ZFAND1: variants seen among roughly 807,000 people sequenced by gnomAD.
ZFAND1 encodes zinc finger AN1-type containing 1.
Under a neutral mutation model 38.5 loss-of-function variants are expected in ZFAND1, and 40 were observed. That is an observed-to-expected ratio of 1.04 (90% CI 0.81 to 1.35). ZFAND1 has a LOEUF of 1.35. ZFAND1 is among the 40% of genes most tolerant of loss of function. The pLI, the probability that ZFAND1 is intolerant of heterozygous loss-of-function variation, is 0.00. For missense variants in ZFAND1, 346 were observed against 316.3 expected, an observed-to-expected ratio of 1.09 and a Z score of -0.71; for synonymous variants, 117 against 103.6, an observed-to-expected ratio of 1.13 and a Z score of -0.78.
Position 81,714,786 on chromosome 8 carries a change from C to T in ZFAND1, c.358+18G>A, listed in dbSNP as rs759703185. Reference sequence around the variant, plus strand: ...CTGGAACTAGGAAAGCAACAAAACACGCTTTCTAGATACTTACCAATAATG... The same window carrying T: ...CTGGAACTAGGAAAGCAACAAAACATGCTTTCTAGATACTTACCAATAATG... On this transcript the variant is annotated intron_variant, in intron 5 of 7. Transcript: ENST00000220669. 21 of 1,609,832 alleles carry T rather than the reference C, an allele frequency of 1.3e-5. No homozygotes were observed. The highest frequency in any genetic ancestry group is 2.7e-5 in the African/African-American group (2 of 74,794).
intron 1 of ZFAND1, among the ~76,000 whole-genome samples, chr8:81,719,261 G>A (rs1014223043): frequency 1.3e-5 from 2 of 150,364 alleles, no homozygotes; most frequent in Non-Finnish European, 2.9e-5. Context: ...CTGAGGTCAA[G>A]AGTTTGAAAA....
In ZFAND1 at chr8:81,714,800, T is replaced by C; in HGVS notation, c.358+4A>G. On this transcript the variant is annotated splice_donor_region_variant and intron_variant, in intron 5 of 7. Transcript: ENST00000220669. ...GCAACAAAACACGCTTTCTAGATAC[T>C]TACCAATAATGTCTTTAACAAGTTT... The C allele has an allele frequency of 1.2e-6, 2 of 1,613,698 alleles. No individual in the cohort carries two copies. The highest frequency in any genetic ancestry group is 1.7e-6 in the Non-Finnish European group (2 of 1,179,656).
intron 3 of ZFAND1, among the ~76,000 whole-genome samples, chr8:81,716,759 C>T (rs1808326091): frequency 6.6e-6 from 1 of 152,132 alleles, no homozygotes; most frequent in African/African-American, 2.4e-5. Flanking sequence ...ACCAGCCTGG[C>T]CAACATGGTA....
rs59593349 is a variant in ZFAND1 at position 81,717,289 on chromosome 8, C to A, written c.99-1G>T. 2.6e-6 allele frequency: 4 copies of A among 1,524,342 alleles called. No homozygotes were observed. In the African/African-American group the frequency reaches 4.3e-5, roughly 16 times the overall value. The allele number at this position is 1,524,342 out of a possible 1,614,324, so 94.4% of individuals were successfully genotyped here. A position where few individuals can be genotyped will look rare whatever the true frequency, so the allele number is the denominator to read the frequency against. On this transcript the variant is annotated splice_acceptor_variant, in intron 2 of 7. Transcript: ENST00000220669. LOFTEE classifies it high-confidence loss of function. The stretch of plus-strand genomic sequence containing the variant: ...AGACTCCCTGCTTCTGTGTTCAAGG[C>A]TTAAATAATAATAGCAAGTGTTTAT...
chr8:81,719,023 T>C (rs1585931227), intron 1 of ZFAND1, among the ~76,000 whole-genome samples: 1 of 152,054 alleles, frequency 6.6e-6, no homozygotes, highest in African/African-American at 2.4e-5. Context: ...TGTATCTATA[T>C]CTGTATCTAT....
intron 6 of ZFAND1, 74 bp downstream of exon 6, chr8:81,713,844 T>A (rs79994134): frequency 6.9e-7 from 1 of 1,448,336 alleles, no homozygotes. Context: ...TGTTAATTGA[T>A]GGGAAGGAGG....
chr8:81,715,199 T>A, intron 3 of ZFAND1, 85 bp from the exon 4 acceptor site: 1 of 1,462,034 alleles, frequency 6.8e-7, no homozygotes, highest in African/African-American at 1.4e-5. Flanking sequence ...AGTATTCATT[T>A]TATTTTTGCT....
intron 6 of ZFAND1, among the ~76,000 whole-genome samples, chr8:81,706,394 A>AAAAAAAAG (rs1807985799): frequency 6.9e-6 from 1 of 144,878 alleles, no homozygotes; most frequent in Non-Finnish European, 1.5e-5. Context: ...AAAAAAAAAA[A>AAAAAAAAG]GAAGTGTTGG....
intron 6 of ZFAND1, among the ~76,000 whole-genome samples, chr8:81,706,377 A>AAC (rs1807984278): frequency 1.4e-5 from 2 of 141,272 alleles, no homozygotes; most frequent in South Asian, 4.2e-4. Flanking sequence ...AAACAAAAAA[A>AAC]AAAAAAAAAA....
intron 6 of ZFAND1, among the ~76,000 whole-genome samples, chr8:81,706,931 T>C (rs1011749340): frequency 2.6e-5 from 4 of 151,604 alleles, no homozygotes; most frequent in African/African-American, 4.8e-5. Context: ...GAATACAATA[T>C]AAAAGAAGAA....
chr8:81,710,808 CG>C (rs1301483003), intron 6 of ZFAND1, among the ~76,000 whole-genome samples: 1 of 151,966 alleles, frequency 6.6e-6, no homozygotes, highest in Non-Finnish European at 1.5e-5. Flanking sequence ...CTTGATAATA[CG>C]TAACTCTACA....
chr8:81,711,113 A>G (rs1005847602), intron 6 of ZFAND1, among the ~76,000 whole-genome samples: 3 of 152,218 alleles, frequency 2.0e-5, no homozygotes, highest in Admixed American at 1.3e-4. Flanking sequence ...CTAAACAAGT[A>G]TATTAAAAAT....
At chr8:81,716,267 T>G (rs1808308464) in intron 3 of ZFAND1, among the ~76,000 whole-genome samples, 1 of 152,192 alleles carries the variant, frequency 6.6e-6, no homozygotes, top group Non-Finnish European at 1.5e-5. Context: ...CTCTTCCTCT[T>G]GGAACTGTAC....
At chr8:81,703,197 T>C (rs543657183) in intron 6 of ZFAND1, 73 bp from the exon 7 acceptor site, 68 of 1,096,000 alleles carry the variant, frequency 6.2e-5, no homozygotes, top group Non-Finnish European at 7.1e-5. Flanking sequence ...GTGCCAACCG[T>C]TCCTCTCTTC....
chr8:81,719,103 A>T (rs1170459681), intron 1 of ZFAND1, among the ~76,000 whole-genome samples: 1 of 152,138 alleles, frequency 6.6e-6, no homozygotes, highest in African/African-American at 2.4e-5. Context: ...AGATCAGAAT[A>T]GTAATACAGT....
chr8:81,712,456 T>C (rs1166723943), intron 6 of ZFAND1, among the ~76,000 whole-genome samples: 1 of 152,018 alleles, frequency 6.6e-6, no homozygotes, highest in Non-Finnish European at 1.5e-5. Flanking sequence ...AATTGGCATT[T>C]GGAGAAGATA....
At chr8:81,715,168 A>C in intron 3 of ZFAND1, 54 bp from the exon 4 acceptor site, 1 of 1,583,752 alleles carries the variant, frequency 6.3e-7, no homozygotes, top group Non-Finnish European at 8.6e-7. Flanking sequence ...AAACAAATCA[A>C]TGTGTCTTAT....
At position 81,702,610 on chromosome 8, in the gene ZFAND1, C is replaced by A; in HGVS notation, c.*85G>T. On this transcript the variant is annotated 3_prime_UTR_variant, in exon 8 of 8. Transcript: ENST00000220669. ...GTTAAAAAGCAACTTTTAAAAATTA[C>A]AAAAATAGTATTTGTAGTAAAATAA... The A allele has an allele frequency of 1.8e-6, 2 of 1,132,554 alleles. No homozygotes were observed. Among genetic ancestry groups the A allele is most frequent in the East Asian group, 3.0e-5 (1 of 33,816 alleles). The allele number at this position is 1,132,554 out of a possible 1,614,324, so 70.2% of individuals were successfully genotyped here.
chr8:81,706,519 C>T (rs1377184652), intron 6 of ZFAND1, among the ~76,000 whole-genome samples: 1 of 151,490 alleles, frequency 6.6e-6, no homozygotes, highest in Non-Finnish European at 1.5e-5. Context: ...GGATATAATA[C>T]CAACTAACTT....
Sources: allele counts gnomAD v4.1 joint callset (sites outside exome capture counted in the v4.1 genomes callset), GRCh38; gene constraint gnomAD v4.1.1; transcripts MANE v1.5; gene names NCBI Gene and HGNC (gene_info 2026-07-23, HGNC 2026-07-21).